PRKCZ: variants seen among roughly 807,000 people sequenced by gnomAD.
PRKCZ encodes protein kinase C zeta.
Under a neutral mutation model 79.5 loss-of-function variants are expected in PRKCZ, and 33 were observed. The observed-to-expected ratio is 0.41, with a 90% CI of 0.31 to 0.55. The LOEUF (loss-of-function observed/expected upper bound fraction) is 0.55, where lower values mean the gene tolerates loss of function less well. Ranked by LOEUF, PRKCZ falls within the 20% of genes least tolerant of loss-of-function variation. PRKCZ has a pLI of 0.19. For synonymous variants in PRKCZ, 342 were observed against 320.9 expected (o/e 1.07, Z -0.70); for missense variants, 578 against 813.5 (o/e 0.71, Z 3.52).
chr1:2,150,209 A>G (rs1384123208), intron 8 of PRKCZ, among the ~76,000 whole-genome samples: 4 of 151,118 alleles, frequency 2.6e-5, no homozygotes, highest in South Asian at 2.1e-4. Flanking sequence ...CGCACAGAAC[A>G]GCACCTCCCA....
chr1:2,183,092 G>A (rs757441728), intron 16 of PRKCZ, among the ~76,000 whole-genome samples: 2 of 152,180 alleles, frequency 1.3e-5, no homozygotes, highest in African/African-American at 2.4e-5. Context: ...TTAGCCAGGC[G>A]TGGTGGCGGG....
At position 2,056,507 on chromosome 1, in the gene PRKCZ, C is replaced by A; in HGVS notation, c.217C>A (p.Gln73Lys). The A allele has an allele frequency of 1.2e-6, 2 of 1,613,992 alleles. No individual in the cohort carries two copies. Among genetic ancestry groups the A allele is most frequent in the South Asian group, 2.2e-5 (2 of 91,014 alleles). Residue 73 changes from glutamine (Q) to lysine (K), a missense_variant, in exon 3 of 18, where the codon CAG becomes AAG. Gln to Lys is a moderately conservative substitution (Grantham distance 53). This residue lies in a region of PRKCZ where 228 missense variants were observed against 211.6 expected (regional missense o/e 1.08). Transcript: ENST00000378567. Reference protein sequence around the residue: ...SEGDPCTVSSQMELEEAFRLA... With the variant: ...SEGDPCTVSSKMELEEAFRLA... ...AGGTGACCCTTGCACGGTGTCCTCC[C>A]AGATGGAGCTGGAAGAGGCTTTCCG...
At chr1:2,132,506 G>A (rs897332281) in intron 4 of PRKCZ, among the ~76,000 whole-genome samples, 2 of 152,202 alleles carry the variant, frequency 1.3e-5, no homozygotes, top group African/African-American at 4.8e-5. Context: ...GGGGCTGCGG[G>A]GGATTGATTT....
chr1:2,074,236 A>G (rs372322715), intron 4 of PRKCZ: 1 of 1,550,386 alleles, frequency 6.5e-7, no homozygotes, highest in East Asian at 2.4e-5. Context: ...TGAGCGAGGC[A>G]GGGGCTGCTG....
At chr1:2,055,863 C>G (rs139050970) in intron 2 of PRKCZ, 22 of 315,260 alleles carry the variant, frequency 7.0e-5, no homozygotes, top group Non-Finnish European at 1.1e-4. Context: ...TTTCTCATGT[C>G]CTGGCCTTTT....
rs1270181579 is a variant in PRKCZ, at chr1:2,121,506, ATGG to A, written c.335-13751_335-13749del. 0.021 allele frequency among the ~76,000 whole-genome samples: 372 copies of A among 17,554 alleles called. 15 individuals carry two copies. In the East Asian group the frequency reaches 0.28, roughly 13 times the overall value. The allele number at this position is 17,554 out of a possible 152,430, so 11.5% of individuals were successfully genotyped here. Reference sequence around the variant, plus strand: ...TAGGGTCACGGTGGTAGTTAGGATCATGGTGGTACTTAAGGTCATGGCAGTAGT... The same window carrying A: ...TAGGGTCACGGTGGTAGTTAGGATCATGGTACTTAAGGTCATGGCAGTAGT... On this transcript the variant is annotated intron_variant, in intron 4 of 17. Transcript: ENST00000378567.
rs372876930 is a variant in PRKCZ at position 2,164,931 on chromosome 1, G to A, written c.975-4587G>A. On this transcript the variant is annotated intron_variant, in intron 10 of 17. Coordinates refer to ENST00000378567, the MANE Select transcript of PRKCZ (RefSeq NM_002744.6). ...CCTCTGCTCAACTTCACCCCAGGCC[G>A]TGTCTCCTGGCTCCAGGAAGGTGAG... 1.1e-3 allele frequency among the ~76,000 whole-genome samples: 161 copies of A among 152,224 alleles called. 3 individuals carry two copies. In the South Asian group the frequency reaches 0.031, roughly 29 times the overall value.
At chr1:2,107,772 C>T (rs1268666232) in intron 4 of PRKCZ, among the ~76,000 whole-genome samples, 1 of 152,076 alleles carries the variant, frequency 6.6e-6, no homozygotes, top group Non-Finnish European at 1.5e-5. Flanking sequence ...CCCCAACACC[C>T]AGCAGCATCC....
At chr1:2,116,299 G>C (rs1436966855) in intron 4 of PRKCZ, 1 of 152,226 alleles carries the variant, frequency 6.6e-6, no homozygotes, top group Non-Finnish European at 1.5e-5. Context: ...CTGTGGCCTC[G>C]CGACGGCTGA....
chr1:2,117,666 C>T (rs929350482), intron 4 of PRKCZ, among the ~76,000 whole-genome samples: 4 of 152,138 alleles, frequency 2.6e-5, no homozygotes, highest in Admixed American at 1.3e-4. Flanking sequence ...GTGCTGTTTG[C>T]GGAAATACTG....
chr1:2,105,204 C>T (rs1012718118), intron 4 of PRKCZ, among the ~76,000 whole-genome samples: 6 of 152,202 alleles, frequency 3.9e-5, no homozygotes, highest in Admixed American at 1.3e-4. Flanking sequence ...ACAGCTCTTG[C>T]GCTGTGTACC....
At chr1:2,115,796 G>A (rs1295307030) in intron 4 of PRKCZ, among the ~76,000 whole-genome samples, 1 of 152,204 alleles carries the variant, frequency 6.6e-6, no homozygotes, top group African/African-American at 2.4e-5. Flanking sequence ...TATGGGGGGT[G>A]CAGAGCTTCC....
At chr1:2,052,285 T>C (rs1355143305) in intron 1 of PRKCZ, among the ~76,000 whole-genome samples, 1 of 152,130 alleles carries the variant, frequency 6.6e-6, no homozygotes, top group Non-Finnish European at 1.5e-5. Context: ...CCCTCTGCCT[T>C]GCTTTGGCCC....
chr1:2,111,267 T>C (rs773857857), intron 4 of PRKCZ, among the ~76,000 whole-genome samples: 1 of 151,898 alleles, frequency 6.6e-6, no homozygotes, highest in Non-Finnish European at 1.5e-5. Context: ...TTTGGACCAC[T>C]TAGGGGACGG....
intron 4 of PRKCZ, among the ~76,000 whole-genome samples, chr1:2,061,983 G>C (rs893565552): frequency 6.6e-6 from 1 of 152,096 alleles, no homozygotes; most frequent in Non-Finnish European, 1.5e-5. Context: ...CAGTGAGAAG[G>C]GTCGGACTGG....
chr1:2,166,587 T>C (rs1683367002), intron 10 of PRKCZ, among the ~76,000 whole-genome samples: 1 of 150,656 alleles, frequency 6.6e-6, no homozygotes, highest in African/African-American at 2.5e-5. Context: ...CGAGTGTGGC[T>C]ACCAGGACAC....
chr1:2,106,894 A>T (rs1475680419), intron 4 of PRKCZ, among the ~76,000 whole-genome samples: 1 of 147,258 alleles, frequency 6.8e-6, no homozygotes, highest in Non-Finnish European at 1.5e-5. Flanking sequence ...TCACCAGGCC[A>T]GGTGACTCTC....
chr1:2,055,574 C>T lies in PRKCZ; in HGVS notation c.193+12C>T, dbSNP rs561056465. 8 of 1,609,582 alleles carry T rather than the reference C, an allele frequency of 5.0e-6. No homozygotes were observed. Among genetic ancestry groups the T allele is most frequent in the African/African-American group, 1.3e-5 (1 of 74,880 alleles). On this transcript the variant is annotated intron_variant, in intron 2 of 17. Transcript: ENST00000378567. ...GGTGGACAGCGAAGGTAGCCCTTGT[C>T]CCATGTTGGCCAGAATCCTCAGCCT...
At chr1:2,087,847 T>C (rs1021783880) in intron 4 of PRKCZ, among the ~76,000 whole-genome samples, 1 of 152,188 alleles carries the variant, frequency 6.6e-6, no homozygotes, top group Non-Finnish European at 1.5e-5. Flanking sequence ...GACCAGCGTC[T>C]GGCCTGTCCG....
Sources: allele counts gnomAD v4.1 joint callset (sites outside exome capture counted in the v4.1 genomes callset), GRCh38; gene constraint gnomAD v4.1.1; regional missense constraint gnomAD v4.1.1; transcripts MANE v1.5; gene names NCBI Gene and HGNC (gene_info 2026-07-23, HGNC 2026-07-21).